The following SYNE2 variants were observed in gnomAD, a reference collection of about 807,000 sequenced individuals.
SYNE2 encodes spectrin repeat containing nuclear envelope protein 2, also known as nesprin-2.
SYNE2 carries 431 observed loss-of-function variants against 856.3 expected under a neutral mutation model. The observed-to-expected ratio is 0.50, with a 90% CI of 0.47 to 0.55. The LOEUF is 0.55. SYNE2 is among the 20% of genes least tolerant of loss of function. The pLI, the probability that SYNE2 is intolerant of heterozygous loss-of-function variation, is 0.00. For synonymous variants in SYNE2, 2,923 were observed against 2,872.3 expected (o/e 1.02, Z -0.56); for missense variants, 8,129 against 8,023.2 (o/e 1.01, Z -0.50).
intron 6 of SYNE2, among the ~76,000 whole-genome samples, chr14:63,944,223 G>A (rs1413287436): frequency 6.7e-6 from 1 of 149,354 alleles, no homozygotes; most frequent in Non-Finnish European, 1.5e-5. Flanking sequence ...ACAAAATGGG[G>A]GTCATGTTAT....
intron 99 of SYNE2, chr14:64,202,088 C>A: frequency 1.5e-6 from 1 of 670,662 alleles, no homozygotes. Flanking sequence ...ATCTGCTCCA[C>A]GCCGAGTTGG....
At chr14:64,159,257 C>A (rs749287951) in intron 86 of SYNE2, 55 bp from the exon 87 acceptor site, 56 of 1,611,808 alleles carry the variant, frequency 3.5e-5, no homozygotes, top group Non-Finnish European at 4.6e-5. Context: ...CTGCCACCTT[C>A]TTTGGAAGTA....
intron 85 of SYNE2, among the ~76,000 whole-genome samples, chr14:64,156,311 G>T (rs61987292): frequency 0.013 from 2,019 of 152,284 alleles, 21 homozygotes; most frequent in South Asian, 0.022. Flanking sequence ...TTCTTGTGTT[G>T]ACATGTATAT....
At chr14:64,153,228 A>C (rs1215099234) in intron 85 of SYNE2, among the ~76,000 whole-genome samples, 1 of 152,236 alleles carries the variant, frequency 6.6e-6, no homozygotes, top group African/African-American at 2.4e-5. Context: ...AAGACATCTA[A>C]TAATCTTACA....
At position 63,961,530 on chromosome 14, in the gene SYNE2, G is replaced by C; in HGVS notation, c.793G>C (p.Asp265His). The change falls in exon 9 of 116, where the codon GAT becomes CAT. Residue 265 changes from aspartate to histidine, a missense_variant. By Grantham distance (81) the Asp-to-His change is moderately conservative (BLOSUM62 -1). Around this residue, in one of 3 missense-constraint regions of SYNE2, gnomAD observed 2,422 missense variants for 2,357.4 expected, o/e 1.03. Transcript: ENST00000555002. The part of the protein sequence containing the change: ...IPRLLEPEDV[D>H]VVDPDEKSIM... ...TAGTGTGGTGTATCTTGCAGATGTG[G>C]ATGTTGTTGATCCTGATGAAAAGTC... is the stretch of plus-strand genomic sequence containing the variant. 3 of 1,612,974 alleles carry C rather than the reference G, an allele frequency of 1.9e-6. No homozygotes were observed. The South Asian group carries it at 3.3e-5, about 18-fold the overall frequency.
intron 1 of SYNE2, among the ~76,000 whole-genome samples, chr14:63,762,583 A>G (rs1247846975): frequency 7.7e-6 from 1 of 129,950 alleles, no homozygotes; most frequent in Non-Finnish European, 1.6e-5. Flanking sequence ...TATGTAGGAT[A>G]ATTTTTTCTT....
At chr14:64,138,631 T>G (rs1410538581) in intron 79 of SYNE2, among the ~76,000 whole-genome samples, 3 of 151,282 alleles carry the variant, frequency 2.0e-5, no homozygotes, top group Non-Finnish European at 4.4e-5. Flanking sequence ...GTTTTAAAAT[T>G]AAAAAAATTA....
chr14:64,125,104 C>T lies in SYNE2; in HGVS notation c.13448C>T (p.Pro4483Leu), dbSNP rs754607091. The T allele has an allele frequency of 6.2e-7, 1 of 1,614,046 alleles. No individual in the cohort carries two copies. Among genetic ancestry groups the T allele is most frequent in the South Asian group, 1.1e-5 (1 of 91,070 alleles). The change falls in exon 71 of 116, where the codon CCC (proline) becomes CTC (leucine). Residue 4483 changes from proline (P) to leucine (L), a missense_variant. By Grantham distance (98) the Pro-to-Leu change is moderately conservative. Transcript: ENST00000555002. ...PQVSTNMGIL[P>L]SVTMYNFRYP... is the part of the protein sequence containing the mutation. Reference sequence around the variant, plus strand: ...GTTTCCACAAATATGGGTATTCTACCCAGCGTGACTATGTATAACTTTAGA... The same window carrying T: ...GTTTCCACAAATATGGGTATTCTACTCAGCGTGACTATGTATAACTTTAGA...
At chr14:63,930,101 A>G (rs181726593) in intron 2 of SYNE2, among the ~76,000 whole-genome samples, 211 of 152,200 alleles carry the variant, frequency 1.4e-3, no homozygotes, top group Non-Finnish European at 2.7e-3. Flanking sequence ...CCTGGATGAC[A>G]TAGGTAGAAC....
At chr14:64,170,145 G>A in intron 93 of SYNE2, 83 bp from the exon 94 acceptor site, 1 of 1,310,612 alleles carries the variant, frequency 7.6e-7, no homozygotes, top group Non-Finnish European at 1.1e-6. Context: ...TATAAAAACT[G>A]AATCTGAGCT....
chr14:64,121,987 C>A lies in SYNE2; in HGVS notation c.13159-25C>A, dbSNP rs1469612770. 3.1e-6 allele frequency: 5 copies of A among 1,612,362 alleles called. No individual in the cohort carries two copies. In the Admixed American group the frequency reaches 5.0e-5, roughly 16 times the overall value. ...TAATCGAAAAGCTTGATGGATTGGACCATTTGAATCTCATTCAATTACAGG... is the reference window on the plus strand; with the variant it reads ...TAATCGAAAAGCTTGATGGATTGGAACATTTGAATCTCATTCAATTACAGG... On this transcript the variant is annotated intron_variant, in intron 68 of 115. Transcript: ENST00000555002.
intron 1 of SYNE2, among the ~76,000 whole-genome samples, chr14:63,772,229 C>A (rs2139708781): frequency 6.6e-6 from 1 of 152,212 alleles, no homozygotes; most frequent in African/African-American, 2.4e-5. Context: ...TGGTGTGCAC[C>A]TGTGGTACCA....
chr14:63,927,894 A>T (rs1028660865), intron 2 of SYNE2, among the ~76,000 whole-genome samples: 1 of 152,004 alleles, frequency 6.6e-6, no homozygotes, highest in South Asian at 2.1e-4. Context: ...TCCATCTGAA[A>T]AAAAAAAACA....
In SYNE2 at chr14:64,209,948, C is replaced by G. The variant is rs200669383; in HGVS notation, c.18547C>G (p.Gln6183Glu). 5.7e-5 allele frequency: 92 copies of G among 1,614,012 alleles called. No homozygotes were observed. Among genetic ancestry groups the G allele is most frequent in the Non-Finnish European group, 7.5e-5 (89 of 1,180,036 alleles). ...KEELKRFEAF[Q>E]RQIHERLTQL... ...CCCCTCCCATGTGATGCAGGCCTTTCAGCGGCAGATTCATGAGCGGCTCAC... is the reference window on the plus strand; with the variant it reads ...CCCCTCCCATGTGATGCAGGCCTTTGAGCGGCAGATTCATGAGCGGCTCAC... The change falls in exon 103 of 116, where the codon CAG (glutamine) becomes GAG (glutamate). Residue 6183 changes from glutamine (Q) to glutamate (E), a missense_variant. Coordinates refer to ENST00000555002, the MANE Select transcript of SYNE2 (RefSeq NM_182914.3).
chr14:64,040,597 A>T (rs982706298), intron 45 of SYNE2, among the ~76,000 whole-genome samples: 2 of 142,544 alleles, frequency 1.4e-5, no homozygotes, highest in African/African-American at 2.6e-5. Flanking sequence ...TGAGGTTAAA[A>T]ATATATATAT....
chr14:63,784,369 C>CG (rs2139747425), intron 1 of SYNE2, among the ~76,000 whole-genome samples: 1 of 151,796 alleles, frequency 6.6e-6, no homozygotes, highest in Non-Finnish European at 1.5e-5. Flanking sequence ...TGGTGGTGCA[C>CG]GCCTGTAGTC....
intron 63 of SYNE2, chr14:64,100,071 GA>G (rs1354664828): frequency 6.6e-6 from 1 of 151,906 alleles, no homozygotes; most frequent in Non-Finnish European, 1.5e-5. Flanking sequence ...CAAAGACTTG[GA>G]ACCAACCCAA....
At chr14:64,113,108 CTG>C (rs2097824944) in intron 65 of SYNE2, 1 of 985,318 alleles carries the variant, frequency 1.0e-6, no homozygotes, top group Non-Finnish European at 1.2e-6. Flanking sequence ...TTTGCGTCCT[CTG>C]TGCCCGGGAA....
intron 1 of SYNE2, among the ~76,000 whole-genome samples, chr14:63,779,264 G>A (rs1466019085): frequency 6.6e-6 from 1 of 151,744 alleles, no homozygotes; most frequent in Non-Finnish European, 1.5e-5. Context: ...GGCTAAGGTT[G>A]CAGTGAGCTG....
Sources: gnomAD v4.1 joint callset for allele counts (sites outside exome capture counted in the v4.1 genomes callset) on GRCh38, gnomAD v4.1.1 for gene constraint, gnomAD v4.1.1 regional missense constraint, MANE v1.5 for transcripts, NCBI Gene and HGNC (gene_info 2026-07-23, HGNC 2026-07-21) for gene names.